DTNB: variants seen among roughly 807,000 people sequenced by gnomAD.
DTNB encodes the protein DTN-B.
Under a neutral mutation model 90.7 loss-of-function variants are expected in DTNB, and 63 were observed. The observed-to-expected ratio is 0.69, with a 90% CI of 0.57 to 0.86. The LOEUF (loss-of-function observed/expected upper bound fraction) is 0.86. DTNB is among the 40% of genes least tolerant of loss of function. The pLI, the probability that DTNB is intolerant of heterozygous loss-of-function variation, is 0.00. For missense variants in DTNB, 744 were observed against 807.1 expected (o/e 0.92, Z 0.95); for synonymous variants, 277 against 286.7 (o/e 0.97, Z 0.34).
intron 9 of DTNB, among the ~76,000 whole-genome samples, chr2:25,497,942 A>C (rs914520812): frequency 6.6e-6 from 1 of 152,182 alleles, no homozygotes; most frequent in East Asian, 1.9e-4. Context: ...AGCTAAAATC[A>C]CTTTCCTAAG....
intron 6 of DTNB, among the ~76,000 whole-genome samples, chr2:25,592,684 TAAGA>T (rs1458173083): frequency 6.6e-6 from 1 of 152,180 alleles, no homozygotes; most frequent in Non-Finnish European, 1.5e-5. Flanking sequence ...TGTGTTACAT[TAAGA>T]AAGAAGCTGA....
chr2:25,642,691 C>CA (rs1278918978), intron 2 of DTNB, among the ~76,000 whole-genome samples: 1 of 152,114 alleles, frequency 6.6e-6, no homozygotes, highest in Non-Finnish European at 1.5e-5. Flanking sequence ...AGATTATAGG[C>CA]ATGAGCCACC....
chr2:25,660,897 A>G (rs2083051712), intron 1 of DTNB, among the ~76,000 whole-genome samples: 1 of 152,236 alleles, frequency 6.6e-6, no homozygotes, highest in Non-Finnish European at 1.5e-5. Context: ...AAAGTGCAAC[A>G]AAGTACATTC....
intron 1 of DTNB, among the ~76,000 whole-genome samples, chr2:25,671,064 G>C (rs1036415938): frequency 7.2e-5 from 11 of 152,320 alleles, no homozygotes; most frequent in Middle Eastern, 3.4e-3. Context: ...TAAAGTGCAA[G>C]AGTAGTGATG....
chr2:25,476,757 A>T (rs1440178708), intron 10 of DTNB, among the ~76,000 whole-genome samples: 1 of 152,268 alleles, frequency 6.6e-6, no homozygotes, highest in Non-Finnish European at 1.5e-5. Context: ...AAGCAAAGAA[A>T]GGGGTTTCTT....
rs146556681 is a variant in DTNB at position 25,607,501 on chromosome 2, C to T, written c.363-180G>A. ...TTGTAGAATTAAGACTTCACCTATG[C>T]TAGGTGAAGAATGCTAAAGCTAGCC... On this transcript the variant is annotated intron_variant, in intron 4 of 20. Coordinates refer to ENST00000406818, the MANE Select transcript of DTNB (RefSeq NM_021907.5). Among the ~76,000 whole-genome samples, 1,124 of 151,680 alleles carry T rather than the reference C, an allele frequency of 7.4e-3. 15 individuals carry two copies. Among genetic ancestry groups the T allele is most frequent in the Non-Finnish European group, 6.0e-3 (409 of 67,932 alleles).
At chr2:25,388,571 A>G (rs2040194779) in intron 16 of DTNB, 2 of 590,588 alleles carry the variant, frequency 3.4e-6, no homozygotes, top group Non-Finnish European at 5.6e-6. Flanking sequence ...GGGCAGAGAG[A>G]GAGAACATCC....
chr2:25,433,013 G>T lies in DTNB; in HGVS notation c.1344-14C>A. ...TGCAGGATCTCTCTAGAGAGGATGG[G>T]TGAACGGAAAGGGGCTGCACAGTGC... is the stretch of plus-strand genomic sequence containing the variant. On this transcript the variant is annotated splice_polypyrimidine_tract_variant and intron_variant, in intron 13 of 20. Transcript: ENST00000406818. 1 of 1,590,776 alleles carries T rather than the reference G, an allele frequency of 6.3e-7. No individual in the cohort carries two copies. Among genetic ancestry groups the T allele is most frequent in the Non-Finnish European group, 8.5e-7 (1 of 1,170,188 alleles).
chr2:25,520,236 G>A (rs1333694632), intron 9 of DTNB, among the ~76,000 whole-genome samples: 2 of 152,128 alleles, frequency 1.3e-5, no homozygotes, highest in Non-Finnish European at 2.9e-5. Flanking sequence ...ACAAAAATTA[G>A]CCAGGCGTGG....
chr2:25,452,259 C>T (rs2059393266), intron 11 of DTNB, among the ~76,000 whole-genome samples: 1 of 152,028 alleles, frequency 6.6e-6, no homozygotes, highest in African/African-American at 2.4e-5. Context: ...ATCTAAGGAC[C>T]CATTCAGACA....
chr2:25,626,541 A>G (rs953238318), intron 4 of DTNB, among the ~76,000 whole-genome samples: 2 of 152,306 alleles, frequency 1.3e-5, no homozygotes, highest in Non-Finnish European at 2.9e-5. Context: ...GGGAGGGAAG[A>G]CTGTTTGAGC....
chr2:25,392,547 A>G lies in DTNB; in HGVS notation c.1576-4186T>C, dbSNP rs1246923189. Among the ~76,000 whole-genome samples, 3 of 152,250 alleles carry G rather than the reference A, an allele frequency of 2.0e-5. 1 individual carries two copies. Among genetic ancestry groups the G allele is most frequent in the African/African-American group, 7.2e-5 (3 of 41,474 alleles). ...AGAGAAGATCCAAATAAGCTCAAAT[A>G]GAAACGAAACGAGAGCTACTACTAC... On this transcript the variant is annotated intron_variant, in intron 16 of 20. Coordinates refer to ENST00000406818, the MANE Select transcript of DTNB (RefSeq NM_021907.5).
At chr2:25,379,966 C>T (rs2037130425) in intron 19 of DTNB, 1 of 152,446 alleles carries the variant, frequency 6.6e-6, no homozygotes, top group Non-Finnish European at 1.5e-5. Context: ...TTCTATGTGT[C>T]TTGGTTACAC....
In DTNB at chr2:25,478,951, G is replaced by A. The variant is rs181275751; in HGVS notation, c.1079+3845C>T. Among the ~76,000 whole-genome samples, 183 of 152,296 alleles carry A rather than the reference G, an allele frequency of 1.2e-3. 1 individual carries two copies. Among genetic ancestry groups the A allele is most frequent in the African/African-American group, 4.2e-3 (173 of 41,564 alleles). On this transcript the variant is annotated intron_variant, in intron 10 of 20. Coordinates refer to ENST00000406818, the MANE Select transcript of DTNB (RefSeq NM_021907.5). Reference sequence around the variant, plus strand: ...GATGGCACACGGAGAGAGGCAGCTCGGAGAAGGAGGGCCGCCTGGGGGCAT... The same window carrying A: ...GATGGCACACGGAGAGAGGCAGCTCAGAGAAGGAGGGCCGCCTGGGGGCAT...
At chr2:25,529,971 C>T (rs1289737427) in intron 9 of DTNB, among the ~76,000 whole-genome samples, 2 of 151,878 alleles carry the variant, frequency 1.3e-5, no homozygotes, top group African/African-American at 4.8e-5. Context: ...TTTCTGTTTA[C>T]AAAGTGGAAG....
intron 2 of DTNB, among the ~76,000 whole-genome samples, chr2:25,651,196 A>G (rs1368526025): frequency 6.6e-6 from 1 of 152,250 alleles, no homozygotes; most frequent in Non-Finnish European, 1.5e-5. Flanking sequence ...CACTGTGCCA[A>G]GTGCTTTATT....
intron 9 of DTNB, among the ~76,000 whole-genome samples, chr2:25,521,687 C>G (rs2076163769): frequency 6.6e-6 from 1 of 152,144 alleles, no homozygotes; most frequent in African/African-American, 2.4e-5. Flanking sequence ...AGGCCAGTCC[C>G]AATAAAACTT....
chr2:25,418,406 A>T (rs1008573994), intron 16 of DTNB, among the ~76,000 whole-genome samples: 1 of 152,108 alleles, frequency 6.6e-6, no homozygotes, highest in African/African-American at 2.4e-5. Context: ...TGTGTTTTTT[A>T]AAAAAATGGG....
intron 16 of DTNB, among the ~76,000 whole-genome samples, chr2:25,394,275 T>G (rs1013465987): frequency 6.6e-6 from 1 of 152,130 alleles, no homozygotes; most frequent in East Asian, 1.9e-4. Flanking sequence ...ATCTAAGACC[T>G]GAAACCATAA....
Sources: allele counts gnomAD v4.1 joint callset (sites outside exome capture counted in the v4.1 genomes callset), GRCh38; gene constraint gnomAD v4.1.1; transcripts MANE v1.5; gene names NCBI Gene and HGNC (gene_info 2026-07-23, HGNC 2026-07-21).